RGS6: variants seen among roughly 807,000 people sequenced by gnomAD.
RGS6 encodes the protein regulator of G protein signaling 6, also known as regulator of G-protein signaling 6.
RGS6 carries 30 observed loss-of-function variants against 78.5 expected under a neutral mutation model. That is an observed-to-expected ratio of 0.38 (90% CI 0.29 to 0.52). RGS6 has a LOEUF of 0.52. RGS6 is among the 20% of genes least tolerant of loss of function. The pLI, the probability that RGS6 is intolerant of heterozygous loss-of-function variation, is 0.85. For synonymous variants in RGS6, 206 were observed against 206.0 expected (o/e 1.00, Z 0.00); for missense variants, 495 against 609.7 (o/e 0.81, Z 1.98).
intron 2 of RGS6, among the ~76,000 whole-genome samples, chr14:71,997,839 A>G (rs563875881): frequency 1.3e-5 from 2 of 152,354 alleles, no homozygotes; most frequent in African/African-American, 2.4e-5. Flanking sequence ...TTGGCTCTGT[A>G]TCAGTTAGAG....
chr14:72,522,632 T>G (rs150836012), intron 15 of RGS6, among the ~76,000 whole-genome samples: 31 of 152,372 alleles, frequency 2.0e-4, no homozygotes, highest in African/African-American at 7.5e-4. Flanking sequence ...TGTTTATTTA[T>G]GAACAGTGAA....
At chr14:72,558,681 G>T (rs1163276726) in intron 17 of RGS6, among the ~76,000 whole-genome samples, 1 of 152,166 alleles carries the variant, frequency 6.6e-6, no homozygotes, top group Non-Finnish European at 1.5e-5. Flanking sequence ...AGCGGAGGGT[G>T]GGAATTGAAT....
At position 72,458,297 on chromosome 14, in the gene RGS6, A is replaced by T. The variant is rs1400506078; in HGVS notation, c.262A>T (p.Ile88Phe). 1 of 1,614,064 alleles carries T rather than the reference A, an allele frequency of 6.2e-7. No homozygotes were observed. Among genetic ancestry groups the T allele is most frequent in the African/African-American group, 1.3e-5 (1 of 75,026 alleles). The part of the protein sequence containing the change: ...PVEAIHLGSL[I>F]AAQGYIFPIS... Reference sequence around the variant, plus strand: ...TGAAGCAATACACTTGGGGAGCCTTATCGCTGCCCAGGGCTACATCTTTCC... The same window carrying T: ...TGAAGCAATACACTTGGGGAGCCTTTTCGCTGCCCAGGGCTACATCTTTCC... The change falls in exon 5 of 18, where the codon ATC (isoleucine) becomes TTC (phenylalanine). Residue 88 changes from isoleucine (I) to phenylalanine (F), a missense_variant. Transcript: ENST00000553525.
In RGS6 at chr14:72,500,051, T is replaced by C. The variant is rs74919244; in HGVS notation, c.965+4789T>C. Among the ~76,000 whole-genome samples the C allele has an allele frequency of 2.1e-3, 324 of 152,368 alleles. 1 individual carries two copies. Among genetic ancestry groups the C allele is most frequent in the African/African-American group, 7.4e-3 (309 of 41,590 alleles). The stretch of plus-strand genomic sequence containing the variant: ...AATGTGTGAACCTAATTCACAATGA[T>C]AAAATGAACTTCCTCTTTTGTTCTT... On this transcript the variant is annotated intron_variant, in intron 13 of 17. Transcript: ENST00000553525.
At chr14:72,166,126 ACACACACAC>A (rs1405833890) in intron 2 of RGS6, among the ~76,000 whole-genome samples, 102 of 151,662 alleles carry the variant, frequency 6.7e-4, no homozygotes, top group South Asian at 1.0e-3. Context: ...ACACACACAC[ACACACACAC>A]ACAGACTGAC....
At chr14:72,059,472 G>A (rs2093783238) in intron 2 of RGS6, among the ~76,000 whole-genome samples, 1 of 152,100 alleles carries the variant, frequency 6.6e-6, no homozygotes, top group South Asian at 2.1e-4. Context: ...TTAACTGTGA[G>A]GTATCCTGGC....
intron 2 of RGS6, among the ~76,000 whole-genome samples, 169 bp from the exon 3 acceptor site, chr14:72,351,926 C>A (rs1435197639): frequency 6.6e-6 from 1 of 152,168 alleles, no homozygotes; most frequent in African/African-American, 2.4e-5. Flanking sequence ...ATACCCAGCA[C>A]TTGGTAGATA....
intron 2 of RGS6, among the ~76,000 whole-genome samples, chr14:72,341,731 A>G (rs748832940): frequency 2.6e-5 from 4 of 152,226 alleles, no homozygotes; most frequent in Non-Finnish European, 4.4e-5. Flanking sequence ...GTGGGAAGCC[A>G]TAGCAGTTTT....
chr14:72,538,269 G>C (rs146658937), intron 16 of RGS6, among the ~76,000 whole-genome samples: 5 of 152,186 alleles, frequency 3.3e-5, no homozygotes, highest in African/African-American at 1.2e-4. Flanking sequence ...CACAACCTCC[G>C]GCGGAGAGAG....
chr14:72,212,242 C>G (rs1217503468), intron 2 of RGS6, among the ~76,000 whole-genome samples: 1 of 152,188 alleles, frequency 6.6e-6, no homozygotes, highest in Non-Finnish European at 1.5e-5. Context: ...ACATGAAGCA[C>G]TGGGCAATGC....
At chr14:72,223,467 C>T (rs1285898153) in intron 2 of RGS6, among the ~76,000 whole-genome samples, 1 of 152,204 alleles carries the variant, frequency 6.6e-6, no homozygotes, top group Non-Finnish European at 1.5e-5. Context: ...AGGTTGTGAA[C>T]AAATCTGTTG....
At chr14:72,012,294 T>C (rs932837081) in intron 2 of RGS6, among the ~76,000 whole-genome samples, 1 of 152,212 alleles carries the variant, frequency 6.6e-6, no homozygotes, top group Non-Finnish European at 1.5e-5. Context: ...TTGTATCTTC[T>C]TTGCAGCTAG....
chr14:72,040,196 T>C (rs2153374709), intron 2 of RGS6, among the ~76,000 whole-genome samples: 1 of 152,286 alleles, frequency 6.6e-6, no homozygotes, highest in African/African-American at 2.4e-5. Context: ...TACAGAATTC[T>C]GTATTTGTCT....
At chr14:72,478,370 T>A in intron 12 of RGS6, 41 bp downstream of exon 12, 1 of 1,345,872 alleles carries the variant, frequency 7.4e-7, no homozygotes, top group Non-Finnish European at 1.1e-6. Context: ...TCTTCTAATT[T>A]AACAGGGAAG....
chr14:72,295,290 CAAAA>C (rs67921203), intron 2 of RGS6, among the ~76,000 whole-genome samples: 2 of 91,666 alleles, frequency 2.2e-5, no homozygotes, highest in Admixed American at 1.2e-4. Context: ...GACTCCGTCT[CAAAA>C]AAAAAAAAAA....
intron 1 of RGS6, among the ~76,000 whole-genome samples, chr14:71,938,127 T>A (rs1261231628): frequency 6.6e-6 from 1 of 152,186 alleles, no homozygotes; most frequent in Non-Finnish European, 1.5e-5. Context: ...ATTATTAAAC[T>A]CCTCCTCTGC....
At chr14:72,597,471 G>A in the RGS6 span, among the ~76,000 whole-genome samples, 3 of 152,198 alleles carry the variant, frequency 2.0e-5, no homozygotes, top group Non-Finnish European at 2.9e-5. Flanking sequence ...AGGCAGCCAC[G>A]TTTCTCCTAC....
intron 2 of RGS6, among the ~76,000 whole-genome samples, chr14:72,140,486 G>A (rs1342260461): frequency 2.0e-5 from 3 of 152,158 alleles, no homozygotes; most frequent in Admixed American, 6.6e-5. Context: ...ATAGGCCATA[G>A]GACTCAGCAA....
chr14:71,982,659 G>C (rs985038525), intron 2 of RGS6, among the ~76,000 whole-genome samples: 41 of 152,174 alleles, frequency 2.7e-4, no homozygotes, highest in African/African-American at 9.9e-4. Context: ...GCTCTGTTCA[G>C]CTTCTTGATC....
Sources: allele counts gnomAD v4.1 joint callset (sites outside exome capture counted in the v4.1 genomes callset), GRCh38; gene constraint gnomAD v4.1.1; transcripts MANE v1.5; gene names NCBI Gene and HGNC (gene_info 2026-07-23, HGNC 2026-07-21).